Variants in CCSER1 observed in about 807,000 individuals in gnomAD.
CCSER1 encodes the protein coiled-coil serine rich protein 1.
A neutral mutation model predicts 82.0 loss-of-function variants in CCSER1; 41 were observed. The observed-to-expected ratio is 0.50, with a 90% confidence interval of 0.39 to 0.65. CCSER1 has a LOEUF of 0.65. Ranked by LOEUF, CCSER1 falls within the 30% of genes least tolerant of loss-of-function variation. The pLI is 0.00. For missense variants in CCSER1, 1,119 were observed against 1,064.2 expected, an observed-to-expected ratio of 1.05 and a Z score of -0.72; for synonymous variants, 414 against 383.9, an observed-to-expected ratio of 1.08 and a Z score of -0.92.
chr4:91,121,897 T>C (rs751280310), intron 10 of CCSER1, among the ~76,000 whole-genome samples: 1 of 151,568 alleles, frequency 6.6e-6, no homozygotes, highest in African/African-American at 2.4e-5. Context: ...TATTGATAAA[T>C]TATCTATGGA....
intron 9 of CCSER1, among the ~76,000 whole-genome samples, chr4:91,066,210 G>T (rs777169780): frequency 2.0e-4 from 31 of 152,098 alleles, no homozygotes; most frequent in Non-Finnish European, 1.0e-4. Context: ...CACCAAAATG[G>T]GTCACATTCT....
rs553350523 is a variant in CCSER1 at position 91,357,639 on chromosome 4, G to A, written c.2218-240933G>A. ...ATATTTTACTTTTCTTATACACTTC[G>A]CACATAAACTGTTTTTTTTAATGGT... On this transcript the variant is annotated intron_variant, in intron 10 of 10. Transcript: ENST00000509176. 1.9e-4 allele frequency among the ~76,000 whole-genome samples: 29 copies of A among 150,944 alleles called. No homozygotes were observed. The East Asian group carries it at 2.0e-3, about 10-fold the overall frequency.
At chr4:91,327,873 A>T (rs2149272931) in intron 10 of CCSER1, among the ~76,000 whole-genome samples, 1 of 152,278 alleles carries the variant, frequency 6.6e-6, no homozygotes, top group Non-Finnish European at 1.5e-5. Flanking sequence ...AGTTCCACAG[A>T]TCTCTAGAGT....
intron 1 of CCSER1, among the ~76,000 whole-genome samples, chr4:90,179,512 A>G (rs991112334): frequency 6.6e-6 from 1 of 152,050 alleles, no homozygotes; most frequent in Non-Finnish European, 1.5e-5. Context: ...TAGAGTAGCT[A>G]TAGGATTATA....
chr4:91,447,298 C>G (rs761034190), intron 10 of CCSER1, among the ~76,000 whole-genome samples: 1 of 152,036 alleles, frequency 6.6e-6, no homozygotes, highest in Non-Finnish European at 1.5e-5. Flanking sequence ...CTCCCCTTTT[C>G]TTCTGTCAAT....
At chr4:91,482,431 A>C (rs112858257) in intron 10 of CCSER1, among the ~76,000 whole-genome samples, 15,120 of 147,294 alleles carry the variant, frequency 0.1, 932 homozygotes, top group Non-Finnish European at 0.12. Context: ...AAAAAAAAAA[A>C]AGTCAGGAAA....
chr4:90,731,252 T>C (rs939401606), intron 7 of CCSER1, among the ~76,000 whole-genome samples: 1 of 152,222 alleles, frequency 6.6e-6, no homozygotes, highest in East Asian at 1.9e-4. Flanking sequence ...TTTTACCCTT[T>C]AGGTAACTTT....
At chr4:91,320,568 TAAG>T (rs1168544311) in intron 10 of CCSER1, among the ~76,000 whole-genome samples, 1 of 152,050 alleles carries the variant, frequency 6.6e-6, no homozygotes, top group Non-Finnish European at 1.5e-5. Context: ...TAAACTTGAG[TAAG>T]AAGAGTGCTG....
chr4:91,308,461 C>T (rs1270968526), intron 10 of CCSER1, among the ~76,000 whole-genome samples: 3 of 151,964 alleles, frequency 2.0e-5, no homozygotes, highest in Non-Finnish European at 4.4e-5. Context: ...TTTTTAAGGA[C>T]ATTGTCAGCA....
chr4:91,211,857 C>G (rs1736848155), intron 10 of CCSER1, among the ~76,000 whole-genome samples: 1 of 151,904 alleles, frequency 6.6e-6, no homozygotes, highest in African/African-American at 2.4e-5. Context: ...GTGATACCTC[C>G]AAAGATCTCT....
At chr4:90,599,504 G>A (rs1333671661) in intron 5 of CCSER1, among the ~76,000 whole-genome samples, 1 of 152,084 alleles carries the variant, frequency 6.6e-6, no homozygotes, top group Non-Finnish European at 1.5e-5. Context: ...CCAGTCTTAG[G>A]TAGTATCTCC....
At position 90,933,004 on chromosome 4, in the gene CCSER1, G is replaced by GAA. The variant is rs751199306; in HGVS notation, c.2172+9559_2172+9560dup. The stretch of plus-strand genomic sequence containing the variant: ...AAAGAGAAAGAAAGAAAGAAAGAAA[G>GAA]AAAGAAAGAAAGAAAGAAAGAAAGA... On this transcript the variant is annotated intron_variant, in intron 9 of 10. Coordinates refer to ENST00000509176, the MANE Select transcript of CCSER1 (RefSeq NM_001145065.2). Among the ~76,000 whole-genome samples the GAA allele has an allele frequency of 2.9e-5, 2 of 69,956 alleles. 1 individual carries two copies. The highest frequency in any genetic ancestry group is 5.1e-5 in the Non-Finnish European group (2 of 39,224). 45.9% of individuals were successfully genotyped at this position (69,956 alleles called of 152,430 possible).
Position 91,217,019 on chromosome 4 carries a change from C to T in CCSER1, c.2217+131025C>T, listed in dbSNP as rs186493428. Among the ~76,000 whole-genome samples, 9 of 152,224 alleles carry T rather than the reference C, an allele frequency of 5.9e-5. No individual in the cohort carries two copies. The East Asian group carries it at 1.7e-3, about 30-fold the overall frequency. ...CGGACCCTCGCGGTGAGTGTTACAG[C>T]TCTTAAGGTGGCGCGTCGCGAGTCT... On this transcript the variant is annotated intron_variant, in intron 10 of 10. Transcript: ENST00000509176.
At chr4:90,155,715 C>CA (rs1727988319) in intron 1 of CCSER1, among the ~76,000 whole-genome samples, 3 of 150,804 alleles carry the variant, frequency 2.0e-5, no homozygotes, top group Admixed American at 6.6e-5. Context: ...TCTGTGGGAT[C>CA]GTATCCCCTT....
intron 10 of CCSER1, among the ~76,000 whole-genome samples, chr4:91,327,199 C>T (rs936514172): frequency 5.9e-5 from 9 of 152,178 alleles, no homozygotes; most frequent in African/African-American, 1.4e-4. Context: ...AGAGTTTCTC[C>T]GTGAGGGCTC....
At chr4:91,083,925 T>C (rs1188876199) in intron 9 of CCSER1, among the ~76,000 whole-genome samples, 1 of 152,106 alleles carries the variant, frequency 6.6e-6, no homozygotes, top group Non-Finnish European at 1.5e-5. Context: ...AAATTGAGGG[T>C]CAGAAAAACT....
At chr4:90,355,193 C>T (rs893550420) in intron 3 of CCSER1, among the ~76,000 whole-genome samples, 13 of 151,792 alleles carry the variant, frequency 8.6e-5, no homozygotes, top group Non-Finnish European at 2.9e-5. Flanking sequence ...AATACACATG[C>T]TATAAATTGT....
At chr4:90,470,910 T>G (rs1395629178) in intron 5 of CCSER1, among the ~76,000 whole-genome samples, 2 of 152,112 alleles carry the variant, frequency 1.3e-5, no homozygotes, top group African/African-American at 4.8e-5. Flanking sequence ...TTGTTGATGT[T>G]GCATGACAAG....
chr4:91,515,314 G>T (rs1476990871), intron 10 of CCSER1, among the ~76,000 whole-genome samples: 1 of 152,074 alleles, frequency 6.6e-6, no homozygotes, highest in Admixed American at 6.6e-5. Flanking sequence ...CAGGTATGAG[G>T]CATAGTACCT....
Sources: allele counts gnomAD v4.1 joint callset (sites outside exome capture counted in the v4.1 genomes callset), GRCh38; gene constraint gnomAD v4.1.1; transcripts MANE v1.5; gene names NCBI Gene and HGNC (gene_info 2026-07-23, HGNC 2026-07-21).